The following IL17B variants were observed in gnomAD, a reference collection of about 807,000 sequenced individuals.
IL17B encodes the protein interleukin 17B, also known as interleukin-17B.
Under a neutral mutation model 14.7 loss-of-function variants are expected in IL17B, and 14 were observed. The observed-to-expected ratio is 0.95, with a 90% CI of 0.63 to 1.49. IL17B has a LOEUF of 1.49. Ranked by LOEUF, IL17B falls within the 40% of genes most tolerant of loss-of-function variation. The probability of loss-of-function intolerance (pLI) is 0.00; values close to 1 mark genes in which losing one functional copy is unlikely to be tolerated. For missense variants in IL17B, 233 were observed against 252.8 expected, an observed-to-expected ratio of 0.92 and a Z score of 0.53; for synonymous variants, 105 against 94.8, an observed-to-expected ratio of 1.11 and a Z score of -0.62.
intron 1 of IL17B, among the ~76,000 whole-genome samples, chr5:149,400,561 G>A (rs1332286970): frequency 6.6e-6 from 1 of 152,222 alleles, no homozygotes; most frequent in Non-Finnish European, 1.5e-5. Context: ...GGACACAGCT[G>A]CAGCAGTGTA....
At chr5:149,386,490 A>G (rs1758830953) in intron 1 of IL17B, among the ~76,000 whole-genome samples, 2 of 152,094 alleles carry the variant, frequency 1.3e-5, no homozygotes, top group African/African-American at 4.8e-5. Flanking sequence ...GCAGGAGCTT[A>G]TCTCTGTGGC....
chr5:149,392,255 C>A (rs989714302), intron 1 of IL17B, among the ~76,000 whole-genome samples: 1 of 152,234 alleles, frequency 6.6e-6, no homozygotes. Context: ...AGGACTTTTA[C>A]TTCTATCTTT....
At position 149,377,025 on chromosome 5, in the gene IL17B, G is replaced by C. The variant is rs1338210953; in HGVS notation, c.22C>G (p.Leu8Val). The C allele has an allele frequency of 1.3e-6, 2 of 1,539,604 alleles. No homozygotes were observed. The highest frequency in any genetic ancestry group is 4.5e-5 in the East Asian group (2 of 44,410). MDWPHNL[L>V]FLLTISIFLG... ...AAGATGGAAATGGTAAGAAGAAACA[G>C]CTGGGGAGGAAAGCCACAGGTCAAA... The change falls in exon 2 of 3, where the codon CTG becomes GTG. Residue 8 changes from leucine (L) to valine (V), a missense_variant and splice_region_variant. Leu to Val is a conservative substitution (Grantham distance 32). Transcript: ENST00000261796.
intron 1 of IL17B, chr5:149,403,982 G>T (rs983622081): frequency 4.6e-5 from 7 of 152,108 alleles, no homozygotes; most frequent in Non-Finnish European, 1.0e-4. Context: ...TCCTGGACAG[G>T]GTCCCCCTCC....
intron 1 of IL17B, among the ~76,000 whole-genome samples, chr5:149,389,041 G>A (rs353282): frequency 0.55 from 83,457 of 152,072 alleles, 23,965 homozygotes; most frequent in African/African-American, 0.72. Context: ...AGTAAATGTC[G>A]GCTGATAGGA....
At position 149,376,741 on chromosome 5, in the gene IL17B, GC is replaced by G; in HGVS notation, c.305del (p.Gly102AlafsTer26). The G allele has an allele frequency of 6.2e-7, 1 of 1,605,506 alleles. No individual in the cohort carries two copies. Among genetic ancestry groups the G allele is most frequent in the Non-Finnish European group, 8.5e-7 (1 of 1,175,494 alleles). On this transcript the variant is annotated frameshift_variant, in exon 2 of 3. Transcript: ENST00000261796. LOFTEE classifies it high-confidence loss of function. ...GCCACCACTGCCCAGCCTACCTGTA[GC>G]CCCAGGGAGACAGGCTCCTCTTGTT... ...MSNKRSLSPWGYSINHDPSRI... is the reference protein window; with the variant it reads ...MSNKRSLSPWXYSINHDPSRI...
intron 1 of IL17B, among the ~76,000 whole-genome samples, chr5:149,396,107 A>G (rs10050356): frequency 0.37 from 55,783 of 152,150 alleles, 10,781 homozygotes; most frequent in African/African-American, 0.49. Context: ...AATAAACTGC[A>G]TTGCTAATAC....
At chr5:149,379,346 G>T, upstream of IL17B, 2 of 1,186,848 alleles carry the variant, frequency 1.7e-6, no homozygotes, top group South Asian at 1.3e-5. Flanking sequence ...GCTGCTGGGG[G>T]AGTGAGTGGG....
intron 1 of IL17B, among the ~76,000 whole-genome samples, chr5:149,398,701 G>T (rs1429572557): frequency 6.6e-6 from 1 of 152,212 alleles, no homozygotes; most frequent in Non-Finnish European, 1.5e-5. Flanking sequence ...GAGGTCAGGA[G>T]TTCGAGACCA....
Position 149,374,418 on chromosome 5 carries a change from T to A in IL17B, c.494A>T (p.Gln165Leu). ...AGCGATGGTCTCCATGACTGCGCGC[T>A]GGCGGCAAGGCCCTGTGCGGGGCGG... Reference protein sequence around the residue: ...PPPPRTGPCRQRAVMETIAVG... With the variant: ...PPPPRTGPCRLRAVMETIAVG... The change falls in exon 3 of 3, where the codon CAG (glutamine) becomes CTG (leucine). Residue 165 changes from glutamine to leucine, a missense_variant. Transcript: ENST00000261796. This position sits in a 1 kb window ranked among gnomAD's most constrained non-coding sequence, Gnocchi z 5.0. The A allele has an allele frequency of 1.2e-6, 2 of 1,605,200 alleles. No individual in the cohort carries two copies. The highest frequency in any genetic ancestry group is 1.7e-6 in the Non-Finnish European group (2 of 1,177,892).
intron 1 of IL17B, among the ~76,000 whole-genome samples, chr5:149,402,160 G>C (rs888999559): frequency 1.3e-5 from 2 of 152,184 alleles, no homozygotes; most frequent in East Asian, 1.9e-4. Context: ...ATGTGGTCTT[G>C]TATCAGTGCA....
intron 1 of IL17B, among the ~76,000 whole-genome samples, chr5:149,390,117 T>A (rs1390992095): frequency 6.6e-6 from 1 of 151,992 alleles, no homozygotes; most frequent in Non-Finnish European, 1.5e-5. Flanking sequence ...ACATGGGTGG[T>A]GAATATGAAT....
chr5:149,396,357 G>A (rs985494993), intron 1 of IL17B, among the ~76,000 whole-genome samples: 9 of 152,172 alleles, frequency 5.9e-5, no homozygotes, highest in Admixed American at 6.5e-5. Context: ...AAACAGTCAG[G>A]ACATTTTGAA....
Position 149,374,288 on chromosome 5 carries a change from T to TA in IL17B, c.*80dup. 7.4e-7 allele frequency: 1 copy of TA among 1,349,600 alleles called. No homozygotes were observed. The highest frequency in any genetic ancestry group is 9.9e-7 in the Non-Finnish European group (1 of 1,005,744). 83.6% of individuals were successfully genotyped at this position (1,349,600 alleles called of 1,614,324 possible). On this transcript the variant is annotated 3_prime_UTR_variant, in exon 3 of 3. Coordinates refer to ENST00000261796, the MANE Select transcript of IL17B (RefSeq NM_014443.3). This position sits in a 1 kb window ranked among gnomAD's most constrained non-coding sequence, Gnocchi z 5.0. ...AGTCTTGCTTTCAAAAGTCAGTGTT[T>TA]ACTTTTCATAGGCCTTTCTTGGCAC...
chr5:149,394,835 T>C (rs1759058862), intron 1 of IL17B, among the ~76,000 whole-genome samples: 1 of 152,214 alleles, frequency 6.6e-6, no homozygotes, highest in South Asian at 2.1e-4. Context: ...TCTATATACA[T>C]GGCCATGAAC....
In IL17B at chr5:149,374,305, T is replaced by C; in HGVS notation, c.*64A>G. 2.1e-6 allele frequency: 3 copies of C among 1,439,614 alleles called. No homozygotes were observed. Among genetic ancestry groups the C allele is most frequent in the Non-Finnish European group, 2.8e-6 (3 of 1,080,658 alleles). The allele number at this position is 1,439,614 out of a possible 1,614,324, so 89.2% of individuals were successfully genotyped here. A position where few individuals can be genotyped will look rare whatever the true frequency, so the allele number is the denominator to read the frequency against. On this transcript the variant is annotated 3_prime_UTR_variant, in exon 3 of 3. Coordinates refer to ENST00000261796, the MANE Select transcript of IL17B (RefSeq NM_014443.3). This position sits in a 1 kb window ranked among gnomAD's most constrained non-coding sequence, Gnocchi z 5.0. ...TCAGTGTTTACTTTTCATAGGCCTTTCTTGGCACAAAGGTGCAAGGAGGAT... is the reference window on the plus strand; with the variant it reads ...TCAGTGTTTACTTTTCATAGGCCTTCCTTGGCACAAAGGTGCAAGGAGGAT...
chr5:149,392,197 A>G (rs1758983126), intron 1 of IL17B, among the ~76,000 whole-genome samples: 1 of 152,242 alleles, frequency 6.6e-6, no homozygotes, highest in African/African-American at 2.4e-5. Context: ...CCATGTGGAA[A>G]TGACACAAAG....
Position 149,374,599 on chromosome 5 carries a change from T to C in IL17B, c.313A>G (p.Ile105Val). The change falls in exon 3 of 3, where the codon ATC (isoleucine) becomes GTC (valine). Residue 105 changes from isoleucine to valine, a missense_variant and splice_region_variant. By Grantham distance (29) the Ile-to-Val change is conservative. Transcript: ENST00000261796. The surrounding 1 kb of genome is among the most constrained non-coding windows in gnomAD (Gnocchi z 5.0). ...KRSLSPWGYSINHDPSRIPVD... is the reference protein window; with the variant it reads ...KRSLSPWGYSVNHDPSRIPVD... ...GGGATACGGCTGGGGTCGTGGTTGA[T>C]GCTGCAGGGAGCAGAAGAAAGAGCA... 6 of 1,608,662 alleles carry C rather than the reference T, an allele frequency of 3.7e-6. No homozygotes were observed. The highest frequency in any genetic ancestry group is 5.1e-6 in the Non-Finnish European group (6 of 1,176,434).
In IL17B at chr5:149,374,510, C is replaced by T; in HGVS notation, c.402G>A (p.Glu134=). 6.2e-7 allele frequency: 1 copy of T among 1,613,306 alleles called. No homozygotes were observed. Among genetic ancestry groups the T allele is most frequent in the Non-Finnish European group, 8.5e-7 (1 of 1,180,014 alleles). ...CCGGCACGCTCACCATGCTGCGGTC[C>T]TCCTGCATGGTGAAGGGGTTCACAC... ...LGCVNPFTMQ[E]DRSMVSVPVF... Residue 134 remains glutamate (E), a synonymous_variant, in exon 3 of 3, where the codon GAG becomes GAA. Coordinates refer to ENST00000261796, the MANE Select transcript of IL17B (RefSeq NM_014443.3). The surrounding 1 kb of genome is among the most constrained non-coding windows in gnomAD (Gnocchi z 5.0).
Sources: gnomAD v4.1 joint callset for allele counts (sites outside exome capture counted in the v4.1 genomes callset) on GRCh38, gnomAD v4.1.1 for gene constraint, Gnocchi (gnomAD v3.1) non-coding constraint, MANE v1.5 for transcripts, NCBI Gene and HGNC (gene_info 2026-07-23, HGNC 2026-07-21) for gene names.